FER: variants seen among roughly 807,000 people sequenced by gnomAD.
FER encodes the protein tyrosine-protein kinase Fer.
In FER, 63 loss-of-function variants were observed where a neutral mutation model predicts 111.0. That is an observed-to-expected ratio of 0.57 (90% CI 0.46 to 0.70). The LOEUF (loss-of-function observed/expected upper bound fraction) is 0.70, where lower values mean the gene tolerates loss of function less well. Ranked by LOEUF, FER falls within the 30% of genes least tolerant of loss-of-function variation. The probability of loss-of-function intolerance (pLI) is 0.00; values close to 1 mark genes in which losing one functional copy is unlikely to be tolerated. For synonymous variants in FER, 327 were observed against 313.9 expected (o/e 1.04, Z -0.44); for missense variants, 914 against 954.0 (o/e 0.96, Z 0.55).
chr5:108,791,044 C>G (rs1242029761), intron 2 of FER, among the ~76,000 whole-genome samples: 1 of 152,106 alleles, frequency 6.6e-6, no homozygotes, highest in Non-Finnish European at 1.5e-5. Flanking sequence ...ATCTGTTCAC[C>G]TGTTGATGGA....
chr5:109,028,851 C>T (rs1389382122), intron 13 of FER, among the ~76,000 whole-genome samples: 1 of 152,126 alleles, frequency 6.6e-6, no homozygotes. Context: ...CAGGAAATCC[C>T]ATTTGAGTTT....
intron 5 of FER, among the ~76,000 whole-genome samples, chr5:108,853,262 A>G (rs1180495330): frequency 6.6e-6 from 1 of 152,230 alleles, no homozygotes; most frequent in Non-Finnish European, 1.5e-5. Context: ...GCATTTAAGA[A>G]CTATTTGTTG....
intron 2 of FER, among the ~76,000 whole-genome samples, chr5:108,772,311 T>C (rs1752985499): frequency 7.0e-6 from 1 of 142,090 alleles, no homozygotes; most frequent in Non-Finnish European, 1.5e-5. Context: ...ATGCCATATA[T>C]ATATGTATGT....
At chr5:108,751,720 G>A (rs1229319113) in intron 1 of FER, among the ~76,000 whole-genome samples, 1 of 152,060 alleles carries the variant, frequency 6.6e-6, no homozygotes, top group Non-Finnish European at 1.5e-5. Flanking sequence ...GGAGACTGAC[G>A]TAATTAGAGA....
chr5:108,997,095 T>C (rs1561743274), intron 13 of FER, among the ~76,000 whole-genome samples: 1 of 152,090 alleles, frequency 6.6e-6, no homozygotes. Flanking sequence ...TTGTGAAATT[T>C]GCACATTGAT....
intron 5 of FER, among the ~76,000 whole-genome samples, chr5:108,853,679 A>G (rs1434833120): frequency 6.6e-6 from 1 of 152,172 alleles, no homozygotes; most frequent in Admixed American, 6.5e-5. Context: ...GTTGATTGAT[A>G]AGAGAGAGGC....
At chr5:109,067,323 C>A (rs189515814) in intron 16 of FER, among the ~76,000 whole-genome samples, 3 of 140,930 alleles carry the variant, frequency 2.1e-5, no homozygotes, top group Non-Finnish European at 4.7e-5. Flanking sequence ...ACACCAAAAC[C>A]GTCTTTCTGT....
chr5:109,056,703 G>A (rs1773693952), intron 16 of FER, among the ~76,000 whole-genome samples: 2 of 152,142 alleles, frequency 1.3e-5, no homozygotes, highest in Non-Finnish European at 2.9e-5. Flanking sequence ...CATGCTAAAT[G>A]AGTAGAGTTT....
chr5:109,143,163 G>C (rs1753705148), intron 17 of FER, among the ~76,000 whole-genome samples: 1 of 152,094 alleles, frequency 6.6e-6, no homozygotes. Context: ...AAGTAACATG[G>C]ACAGTCAGAG....
chr5:108,942,901 T>C (rs1376849942), intron 10 of FER, among the ~76,000 whole-genome samples: 1 of 152,124 alleles, frequency 6.6e-6, no homozygotes, highest in Non-Finnish European at 1.5e-5. Flanking sequence ...TGAGCATGAA[T>C]ATTATATTTT....
At chr5:109,045,800 C>T (rs1246884355) in intron 15 of FER, among the ~76,000 whole-genome samples, 1 of 152,190 alleles carries the variant, frequency 6.6e-6, no homozygotes, top group Non-Finnish European at 1.5e-5. Context: ...TTCATGCAAT[C>T]TCATGGTTCA....
intron 17 of FER, among the ~76,000 whole-genome samples, chr5:109,140,471 C>T (rs192139861): frequency 8.6e-4 from 130 of 151,876 alleles, no homozygotes; most frequent in African/African-American, 1.8e-3. Context: ...GCTATGAGCC[C>T]GTGAAATAGA....
At chr5:109,183,140 T>A (rs937448342) in intron 18 of FER, among the ~76,000 whole-genome samples, 8 of 151,920 alleles carry the variant, frequency 5.3e-5, no homozygotes. Flanking sequence ...TAATACCCAG[T>A]CCAATGAGAG....
At chr5:109,067,204 G>A (rs975904521) in intron 16 of FER, among the ~76,000 whole-genome samples, 2 of 152,010 alleles carry the variant, frequency 1.3e-5, no homozygotes, top group African/African-American at 4.8e-5. Context: ...AGTCAGTCGT[G>A]TGTTAGGGAG....
intron 9 of FER, among the ~76,000 whole-genome samples, chr5:108,888,226 G>GAA (rs1747469163): frequency 6.6e-6 from 1 of 151,692 alleles, no homozygotes; most frequent in Non-Finnish European, 1.5e-5. Flanking sequence ...AGAATTATGT[G>GAA]ATTTAAAAAA....
chr5:109,170,154 A>G lies in FER; in HGVS notation c.2049-10593A>G, dbSNP rs189739837. On this transcript the variant is annotated intron_variant, in intron 17 of 19. Coordinates refer to ENST00000281092, the MANE Select transcript of FER (RefSeq NM_005246.4). ...TATGTATATCACTTCATGAAATTAT[A>G]AACCATAACAAATGATTATGGAGGA... Among the ~76,000 whole-genome samples the G allele has an allele frequency of 2.3e-3, 344 of 152,294 alleles. 3 individuals carry two copies. The highest frequency in any genetic ancestry group is 7.7e-3 in the African/African-American group (318 of 41,554).
intron 3 of FER, among the ~76,000 whole-genome samples, chr5:108,831,055 G>C (rs553076651): frequency 6.6e-6 from 1 of 152,254 alleles, no homozygotes; most frequent in South Asian, 2.1e-4. Context: ...TGACTACACT[G>C]AACAGGGCTT....
intron 10 of FER, among the ~76,000 whole-genome samples, chr5:108,909,387 T>A (rs889248231): frequency 6.6e-6 from 1 of 152,190 alleles, no homozygotes; most frequent in Non-Finnish European, 1.5e-5. Flanking sequence ...ATGAAGGATG[T>A]GATCTGAAAC....
intron 13 of FER, among the ~76,000 whole-genome samples, chr5:109,003,570 A>T (rs186458748): frequency 1.3e-5 from 2 of 152,328 alleles, no homozygotes; most frequent in East Asian, 3.8e-4. Flanking sequence ...TACATATGTA[A>T]CAAACCTGCA....
Sources: allele counts gnomAD v4.1 joint callset (sites outside exome capture counted in the v4.1 genomes callset), GRCh38; gene constraint gnomAD v4.1.1; transcripts MANE v1.5; gene names NCBI Gene and HGNC (gene_info 2026-07-23, HGNC 2026-07-21).